Variants in SH3RF3 observed in about 807,000 individuals in gnomAD.
The protein encoded by SH3RF3 is E3 ubiquitin-protein ligase SH3RF3.
In SH3RF3, 29 loss-of-function variants were observed where a neutral mutation model predicts 66.3. That is an observed-to-expected ratio of 0.44 (90% confidence interval 0.33 to 0.60). SH3RF3 has a LOEUF of 0.60. Ranked by LOEUF, SH3RF3 falls within the 20% of genes least tolerant of loss-of-function variation. The pLI is 0.04. For missense variants in SH3RF3, 1,194 were observed against 1,190.9 expected (o/e 1.00, Z -0.04); for synonymous variants, 583 against 532.0 (o/e 1.10, Z -1.32).
intron 1 of SH3RF3, among the ~76,000 whole-genome samples, chr2:109,335,487 C>A (rs1417234420): frequency 1.3e-5 from 2 of 152,204 alleles, no homozygotes; most frequent in African/African-American, 4.8e-5. Context: ...CTAGCCCTCG[C>A]TCATCCACGT....
At chr2:109,447,920 C>G (rs753037542) in intron 7 of SH3RF3, among the ~76,000 whole-genome samples, 1 of 152,172 alleles carries the variant, frequency 6.6e-6, no homozygotes, top group Non-Finnish European at 1.5e-5. Flanking sequence ...CCTGGAAGCC[C>G]GGTGCTTCGA....
rs193061997 is a variant in SH3RF3, at chr2:109,300,330, C to T, written c.574-47344C>T. On this transcript the variant is annotated intron_variant, in intron 1 of 9. Coordinates refer to ENST00000309415, the MANE Select transcript of SH3RF3 (RefSeq NM_001099289.3). ...GAGTAGCTGGGACTATAGTCGCACG[C>T]CACCATGTCTGGCTAATTTTTGTAT... Among the ~76,000 whole-genome samples the T allele has an allele frequency of 2.6e-5, 4 of 152,262 alleles. No homozygotes were observed. In the East Asian group the frequency reaches 7.7e-4, roughly 29 times the overall value.
intron 1 of SH3RF3, among the ~76,000 whole-genome samples, chr2:109,218,355 A>G (rs1679150205): frequency 6.6e-6 from 1 of 152,194 alleles, no homozygotes; most frequent in African/African-American, 2.4e-5. Flanking sequence ...TGTCCTTTCA[A>G]TTCAAAATAT....
chr2:109,485,626 G>A lies in SH3RF3; in HGVS notation c.2149-4979G>A, dbSNP rs369309570. 7.2e-5 allele frequency among the ~76,000 whole-genome samples: 11 copies of A among 152,146 alleles called. No homozygotes were observed. In the East Asian group the frequency reaches 7.7e-4, roughly 11 times the overall value. On this transcript the variant is annotated intron_variant, in intron 8 of 9. Transcript: ENST00000309415. Reference sequence around the variant, plus strand: ...TGTATAGAGTGTAGTATGAATAAACGCCTTCAAAATTCTCCTTTTTAAATA... The same window carrying A: ...TGTATAGAGTGTAGTATGAATAAACACCTTCAAAATTCTCCTTTTTAAATA...
chr2:109,463,040 C>T (rs1370897778), intron 8 of SH3RF3, among the ~76,000 whole-genome samples: 1 of 152,128 alleles, frequency 6.6e-6, no homozygotes, highest in Non-Finnish European at 1.5e-5. Context: ...TTGGTATGGC[C>T]CTGGGGTCTT....
At chr2:109,314,046 G>A (rs1681805045) in intron 1 of SH3RF3, among the ~76,000 whole-genome samples, 1 of 152,154 alleles carries the variant, frequency 6.6e-6, no homozygotes, top group African/African-American at 2.4e-5. Context: ...AAAAGGAAGA[G>A]GCTATGGGGG....
intron 1 of SH3RF3, among the ~76,000 whole-genome samples, chr2:109,315,074 A>T (rs904940155): frequency 1.3e-5 from 2 of 152,268 alleles, no homozygotes; most frequent in Admixed American, 6.5e-5. Flanking sequence ...ACACGTTTCC[A>T]TCAGTGCAGA....
At chr2:109,421,239 G>A (rs1050990153) in intron 5 of SH3RF3, among the ~76,000 whole-genome samples, 1 of 152,234 alleles carries the variant, frequency 6.6e-6, no homozygotes, top group Non-Finnish European at 1.5e-5. Flanking sequence ...GCAGGATGCA[G>A]GTCAGGTTGC....
intron 3 of SH3RF3, among the ~76,000 whole-genome samples, chr2:109,394,517 CATG>C (rs1676088572): frequency 6.6e-6 from 1 of 152,292 alleles, no homozygotes; most frequent in East Asian, 1.9e-4. Flanking sequence ...GAGCAGTCCT[CATG>C]ATGAATGGAT....
chr2:109,148,631 A>G (rs1023402962), intron 1 of SH3RF3, among the ~76,000 whole-genome samples: 1 of 151,962 alleles, frequency 6.6e-6, no homozygotes, highest in African/African-American at 2.4e-5. Flanking sequence ...GGCATTAGTC[A>G]GGCAGAAGCC....
rs141852526 is a variant in SH3RF3, at chr2:109,279,184, G to A, written c.574-68490G>A. On this transcript the variant is annotated intron_variant, in intron 1 of 9. Transcript: ENST00000309415. Reference sequence around the variant, plus strand: ...GCTGTGGTCCGGATTCCATGCATACGTTTTGGGAAGAGGCTGACATGAAGC... The same window carrying A: ...GCTGTGGTCCGGATTCCATGCATACATTTTGGGAAGAGGCTGACATGAAGC... 4.1e-3 allele frequency among the ~76,000 whole-genome samples: 620 copies of A among 152,306 alleles called. 1 individual carries two copies. Among genetic ancestry groups the A allele is most frequent in the African/African-American group, 0.014 (571 of 41,548 alleles).
chr2:109,146,117 G>A (rs1171508233), intron 1 of SH3RF3, among the ~76,000 whole-genome samples: 1 of 152,172 alleles, frequency 6.6e-6, no homozygotes, highest in Non-Finnish European at 1.5e-5. Context: ...TGAAGGTGAG[G>A]TGTCACCACT....
intron 8 of SH3RF3, among the ~76,000 whole-genome samples, chr2:109,489,497 G>C (rs766498515): frequency 2.8e-4 from 42 of 152,226 alleles, no homozygotes; most frequent in Non-Finnish European, 5.1e-4. Context: ...ACTTAGAAGA[G>C]CTGGGGGAGG....
chr2:109,401,426 G>C (rs1676310348), intron 4 of SH3RF3, among the ~76,000 whole-genome samples: 1 of 152,222 alleles, frequency 6.6e-6, no homozygotes, highest in African/African-American at 2.4e-5. Flanking sequence ...TCTCACTGTA[G>C]TCAGGGACCC....
In SH3RF3 at chr2:109,371,603, G is replaced by A. The variant is rs747072398; in HGVS notation, c.867G>A (p.Val289=). The A allele has an allele frequency of 1.2e-5, 19 of 1,613,920 alleles. No individual in the cohort carries two copies. The highest frequency in any genetic ancestry group is 1.6e-5 in the Non-Finnish European group (19 of 1,179,920). The change falls in exon 3 of 10, where the codon GTG becomes GTA. Residue 289 remains valine, a synonymous_variant. Coordinates refer to ENST00000309415, the MANE Select transcript of SH3RF3 (RefSeq NM_001099289.3). ...AACTGCAGGACGAGATTCTGACGGT[G>A]CTCAGGAGAGTGGATGAGAACTGGG... ...LTFTKDEILT[V]LRRVDENWAE...
chr2:109,189,382 C>CT (rs1197474211), intron 1 of SH3RF3, among the ~76,000 whole-genome samples: 14 of 104,318 alleles, frequency 1.3e-4, no homozygotes, highest in African/African-American at 4.9e-4. Context: ...TTTTTTTTTT[C>CT]TTTTTTTTGA....
At chr2:109,424,699 G>C (rs953216494) in intron 5 of SH3RF3, among the ~76,000 whole-genome samples, 1 of 152,170 alleles carries the variant, frequency 6.6e-6, no homozygotes, top group Non-Finnish European at 1.5e-5. Context: ...GCCCACATAA[G>C]ACAGCGAACT....
At chr2:109,175,734 A>G (rs1044518719) in intron 1 of SH3RF3, among the ~76,000 whole-genome samples, 1 of 152,256 alleles carries the variant, frequency 6.6e-6, no homozygotes, top group Admixed American at 6.5e-5. Flanking sequence ...AAAATGAAGT[A>G]AGTAACTTTG....
chr2:109,343,468 G>A (rs994521302), intron 1 of SH3RF3, among the ~76,000 whole-genome samples: 4 of 152,074 alleles, frequency 2.6e-5, no homozygotes, highest in African/African-American at 9.7e-5. Flanking sequence ...TCTGAGATGG[G>A]GATACAGGGG....
Sources: gnomAD v4.1 joint callset for allele counts (sites outside exome capture counted in the v4.1 genomes callset) on GRCh38, gnomAD v4.1.1 for gene constraint, MANE v1.5 for transcripts, NCBI Gene and HGNC (gene_info 2026-07-23, HGNC 2026-07-21) for gene names.